The following PRKG1 variants were observed in gnomAD, a reference collection of about 807,000 sequenced individuals.
PRKG1 encodes the protein cGMP-dependent protein kinase 1.
Under a neutral mutation model 88.1 loss-of-function variants are expected in PRKG1, and 35 were observed. The observed-to-expected ratio is 0.40, with a 90% CI of 0.30 to 0.53. The LOEUF is 0.53. PRKG1 is among the 20% of genes least tolerant of loss of function. The pLI, the probability that PRKG1 is intolerant of heterozygous loss-of-function variation, is 0.59. For missense variants in PRKG1, 540 were observed against 839.8 expected, an observed-to-expected ratio of 0.64 and a Z score of 4.41; for synonymous variants, 303 against 292.5, an observed-to-expected ratio of 1.04 and a Z score of -0.37.
intron 3 of PRKG1, among the ~76,000 whole-genome samples, chr10:51,712,095 T>C (rs1476373449): frequency 4.9e-5 from 7 of 144,302 alleles, no homozygotes; most frequent in Admixed American, 4.6e-4. Flanking sequence ...CTGGCAAACA[T>C]GTGTAATTTT....
intron 10 of PRKG1, among the ~76,000 whole-genome samples, chr10:52,253,787 G>T (rs1488894675): frequency 6.6e-6 from 1 of 151,878 alleles, no homozygotes; most frequent in Non-Finnish European, 1.5e-5. Flanking sequence ...AGCCCACTTT[G>T]CAAAAACTGT....
intron 3 of PRKG1, among the ~76,000 whole-genome samples, chr10:51,621,737 T>A (rs1265795284): frequency 6.6e-6 from 1 of 152,228 alleles, no homozygotes; most frequent in East Asian, 1.9e-4. Context: ...TTTAACCTGA[T>A]GTTTTAAAGG....
intron 3 of PRKG1, among the ~76,000 whole-genome samples, chr10:51,673,241 G>T (rs1404068618): frequency 6.6e-6 from 1 of 152,144 alleles, no homozygotes; most frequent in Non-Finnish European, 1.5e-5. Flanking sequence ...ATGAAAGGTG[G>T]TGACAAGTGC....
intron 5 of PRKG1, among the ~76,000 whole-genome samples, chr10:51,959,257 T>C (rs1843387951): frequency 6.6e-6 from 1 of 152,180 alleles, no homozygotes. Flanking sequence ...CACAGAGTAA[T>C]TAATCATCAT....
At chr10:52,078,753 T>C (rs1471778762) in intron 7 of PRKG1, among the ~76,000 whole-genome samples, 2 of 152,260 alleles carry the variant, frequency 1.3e-5, no homozygotes, top group African/African-American at 2.4e-5. Context: ...GGAATATAAA[T>C]CTTACAGTTT....
intron 3 of PRKG1, among the ~76,000 whole-genome samples, chr10:51,478,391 A>G (rs1588998396): frequency 1.3e-5 from 2 of 152,106 alleles, no homozygotes; most frequent in Admixed American, 6.6e-5. Flanking sequence ...CCTTCTGGGT[A>G]AAGCTGCTGG....
chr10:52,194,084 T>A (rs1241054130), intron 9 of PRKG1, among the ~76,000 whole-genome samples: 1 of 152,162 alleles, frequency 6.6e-6, no homozygotes, highest in Non-Finnish European at 1.5e-5. Flanking sequence ...TTTTGTTGTT[T>A]TATTTTACAT....
chr10:52,079,738 A>G (rs966473668), intron 7 of PRKG1, among the ~76,000 whole-genome samples: 1 of 152,228 alleles, frequency 6.6e-6, no homozygotes, highest in Non-Finnish European at 1.5e-5. Context: ...ACCTATTGCC[A>G]TATGGTTATG....
chr10:51,283,933 G>A (rs751896396), intron 2 of PRKG1, among the ~76,000 whole-genome samples: 1 of 152,100 alleles, frequency 6.6e-6, no homozygotes, highest in Non-Finnish European at 1.5e-5. Flanking sequence ...CAATAAAGAA[G>A]TGAATTCTTG....
intron 1 of PRKG1, among the ~76,000 whole-genome samples, chr10:51,120,014 T>C (rs4347326): frequency 0.8 from 121,165 of 151,940 alleles, 48,874 homozygotes; most frequent in South Asian, 0.88. Flanking sequence ...TCAATGCCAA[T>C]AAGGCCTTAC....
At chr10:51,038,554 C>G (rs530288625) in intron 1 of PRKG1, among the ~76,000 whole-genome samples, 1 of 152,282 alleles carries the variant, frequency 6.6e-6, no homozygotes, top group South Asian at 2.1e-4. Flanking sequence ...TGAATTTTAT[C>G]TCCCACAAAC....
chr10:51,828,363 A>G (rs1359214925), intron 4 of PRKG1, among the ~76,000 whole-genome samples: 1 of 152,130 alleles, frequency 6.6e-6, no homozygotes, highest in Non-Finnish European at 1.5e-5. Flanking sequence ...TTGACAAAGA[A>G]GCCATTTGAC....
At chr10:51,790,023 G>C (rs1261981505) in intron 3 of PRKG1, among the ~76,000 whole-genome samples, 1 of 151,892 alleles carries the variant, frequency 6.6e-6, no homozygotes, top group Non-Finnish European at 1.5e-5. Flanking sequence ...GAGTTTCACC[G>C]TGTTGGCCAG....
At chr10:51,773,126 C>T (rs1191894543) in intron 3 of PRKG1, among the ~76,000 whole-genome samples, 1 of 152,044 alleles carries the variant, frequency 6.6e-6, no homozygotes, top group Non-Finnish European at 1.5e-5. Context: ...TAGAAATAAA[C>T]TATTGCTCAG....
At chr10:52,144,484 C>T (rs111246513) in intron 8 of PRKG1, among the ~76,000 whole-genome samples, 2,235 of 152,224 alleles carry the variant, frequency 0.015, 26 homozygotes, top group Non-Finnish European at 0.022. Context: ...TGCAGTAGTC[C>T]TAAAGGATGT....
At chr10:51,364,771 G>A (rs1042859535) in intron 2 of PRKG1, among the ~76,000 whole-genome samples, 1 of 151,880 alleles carries the variant, frequency 6.6e-6, no homozygotes, top group African/African-American at 2.4e-5. Flanking sequence ...TAATTGCTCA[G>A]ATAGACTCCC....
At chr10:51,034,932 T>G (rs1317453640) in intron 1 of PRKG1, among the ~76,000 whole-genome samples, 1 of 151,988 alleles carries the variant, frequency 6.6e-6, no homozygotes, top group East Asian at 1.9e-4. Flanking sequence ...AGGCCTGTGC[T>G]AAGGTGCTGA....
At chr10:51,096,854 T>G (rs1844542571) in intron 1 of PRKG1, among the ~76,000 whole-genome samples, 1 of 152,208 alleles carries the variant, frequency 6.6e-6, no homozygotes, top group Admixed American at 6.5e-5. Flanking sequence ...TGCAATGTTC[T>G]GGAGGTATGT....
chr10:51,003,013 T>G (rs1487175536), intron 1 of PRKG1, among the ~76,000 whole-genome samples: 1 of 152,184 alleles, frequency 6.6e-6, no homozygotes, highest in African/African-American at 2.4e-5. Context: ...ATATATTTAT[T>G]TGAGGTTATC....
Sources: gnomAD v4.1 joint callset for allele counts (sites outside exome capture counted in the v4.1 genomes callset) on GRCh38, gnomAD v4.1.1 for gene constraint, MANE v1.5 for transcripts, NCBI Gene and HGNC (gene_info 2026-07-23, HGNC 2026-07-21) for gene names.